The following GALNT13 variants were observed in gnomAD, a reference collection of about 807,000 sequenced individuals.
GALNT13 encodes polypeptide N-acetylgalactosaminyltransferase 13.
Under a neutral mutation model 64.2 loss-of-function variants are expected in GALNT13, and 28 were observed. That is an observed-to-expected ratio of 0.44 (90% CI 0.32 to 0.60). The LOEUF is 0.60. GALNT13 is among the 20% of genes least tolerant of loss of function. GALNT13 has a pLI of 0.05. For missense variants in GALNT13, 577 were observed against 669.8 expected (o/e 0.86, Z 1.53); for synonymous variants, 214 against 224.6 (o/e 0.95, Z 0.42).
chr2:153,224,430 A>G, the GALNT13 span, among the ~76,000 whole-genome samples: 9 of 152,318 alleles, frequency 5.9e-5, no homozygotes, highest in Non-Finnish European at 1.2e-4. Flanking sequence ...AAACCTCAGC[A>G]TCACACAATA....
intron 1 of GALNT13, among the ~76,000 whole-genome samples, chr2:153,878,556 A>T (rs2105230417): frequency 6.6e-6 from 1 of 152,288 alleles, no homozygotes; most frequent in Non-Finnish European, 1.5e-5. Context: ...TGTTGAAATG[A>T]TTGGAAGATT....
At chr2:154,197,615 G>A (rs1057255803) in intron 4 of GALNT13, among the ~76,000 whole-genome samples, 5 of 151,554 alleles carry the variant, frequency 3.3e-5, no homozygotes, top group African/African-American at 1.2e-4. Flanking sequence ...ATCATTTCAG[G>A]ATAAAAAAGA....
At chr2:153,146,238 T>A in the GALNT13 span, among the ~76,000 whole-genome samples, 1 of 151,426 alleles carries the variant, frequency 6.6e-6, no homozygotes, top group Non-Finnish European at 1.5e-5. Context: ...TAGGATCAGA[T>A]CCTGGGACCC....
the GALNT13 span, among the ~76,000 whole-genome samples, chr2:153,624,792 CTTTTTTTTTT>C: frequency 8.2e-5 from 10 of 121,230 alleles, no homozygotes; most frequent in Non-Finnish European, 1.6e-4. Context: ...GGAAGAGAGA[CTTTTTTTTTT>C]TTTTTTTTTT....
the GALNT13 span, among the ~76,000 whole-genome samples, chr2:153,145,409 T>C: frequency 6.6e-6 from 1 of 151,992 alleles, no homozygotes; most frequent in Non-Finnish European, 1.5e-5. Flanking sequence ...ATTAACAAAC[T>C]TACCAGAAAT....
chr2:154,286,842 C>T, intron 8 of GALNT13: 1 of 351,416 alleles, frequency 2.8e-6, no homozygotes, highest in South Asian at 2.5e-5. Flanking sequence ...GTAGCAAAGA[C>T]TTACAGAATG....
chr2:153,365,784 A>T, the GALNT13 span, among the ~76,000 whole-genome samples: 1 of 152,144 alleles, frequency 6.6e-6, no homozygotes, highest in South Asian at 2.1e-4. Flanking sequence ...GAACACTTAC[A>T]CTGTTGGTGG....
chr2:154,389,689 C>T (rs1035363310), intron 9 of GALNT13, among the ~76,000 whole-genome samples: 3 of 152,182 alleles, frequency 2.0e-5, no homozygotes, highest in Non-Finnish European at 4.4e-5. Context: ...AGTCCAATCC[C>T]TGAGACAATG....
chr2:154,126,510 C>T (rs1682274415), intron 3 of GALNT13, among the ~76,000 whole-genome samples: 1 of 151,884 alleles, frequency 6.6e-6, no homozygotes, highest in African/African-American at 2.4e-5. Flanking sequence ...TGGTGGGCGC[C>T]GGTAGTCCCA....
the GALNT13 span, among the ~76,000 whole-genome samples, chr2:153,415,257 T>C: frequency 6.6e-6 from 1 of 152,110 alleles, no homozygotes; most frequent in Non-Finnish European, 1.5e-5. Flanking sequence ...GACTCCACCA[T>C]GTAAAGGATG....
At chr2:153,785,458 A>G in the GALNT13 span, among the ~76,000 whole-genome samples, 2 of 152,096 alleles carry the variant, frequency 1.3e-5, no homozygotes, top group African/African-American at 4.8e-5. Context: ...GCGACTATGG[A>G]CTGGAGCAGA....
At chr2:154,255,487 G>A (rs530171754) in intron 7 of GALNT13, among the ~76,000 whole-genome samples, 4 of 152,208 alleles carry the variant, frequency 2.6e-5, no homozygotes, top group African/African-American at 9.6e-5. Context: ...AGAAATCCAA[G>A]GCATAAAACA....
the GALNT13 span, among the ~76,000 whole-genome samples, chr2:153,334,998 A>T: frequency 0.83 from 125,937 of 152,060 alleles, 53,167 homozygotes; most frequent in African/African-American, 0.9. Context: ...CATGCTATTC[A>T]AGTGATAGTG....
chr2:153,499,178 G>T, the GALNT13 span, among the ~76,000 whole-genome samples: 1 of 152,134 alleles, frequency 6.6e-6, no homozygotes, highest in African/African-American at 2.4e-5. Context: ...CTTGCTTTCA[G>T]GAAGAATGAG....
the GALNT13 span, among the ~76,000 whole-genome samples, chr2:153,282,722 C>T: frequency 2.6e-5 from 4 of 152,198 alleles, no homozygotes; most frequent in Non-Finnish European, 4.4e-5. Context: ...AGTCTCTAGA[C>T]ATTTCATGGT....
chr2:153,364,399 A>G, the GALNT13 span, among the ~76,000 whole-genome samples: 1 of 152,098 alleles, frequency 6.6e-6, no homozygotes, highest in Non-Finnish European at 1.5e-5. Flanking sequence ...GCAATCAGGC[A>G]AGAGAAAAAA....
chr2:153,329,644 A>G, the GALNT13 span, among the ~76,000 whole-genome samples: 3,076 of 152,118 alleles, frequency 0.02, 114 homozygotes, highest in African/African-American at 0.07. Context: ...TATTTGTTCA[A>G]TTGTTTAATA....
chr2:154,107,720 C>T (rs958410295), intron 3 of GALNT13, among the ~76,000 whole-genome samples: 8 of 151,596 alleles, frequency 5.3e-5, no homozygotes, highest in African/African-American at 1.9e-4. Context: ...TCCTTCTGTT[C>T]ATCTGAGATT....
chr2:154,394,210 T>C (rs1553523789), intron 9 of GALNT13, among the ~76,000 whole-genome samples: 1 of 151,792 alleles, frequency 6.6e-6, no homozygotes, highest in Non-Finnish European at 1.5e-5. Flanking sequence ...GTGACCCATG[T>C]GCCAGAACCA....
Sources: allele counts gnomAD v4.1 joint callset (sites outside exome capture counted in the v4.1 genomes callset), GRCh38; gene constraint gnomAD v4.1.1; transcripts MANE v1.5; gene names NCBI Gene and HGNC (gene_info 2026-07-23, HGNC 2026-07-21).